KMT2B: variants seen among roughly 807,000 people sequenced by gnomAD.
KMT2B encodes lysine methyltransferase 2B, also known as histone-lysine N-methyltransferase 2B.
Under a neutral mutation model 255.3 loss-of-function variants are expected in KMT2B, and 22 were observed. That is an observed-to-expected ratio of 0.09 (90% CI 0.06 to 0.12). The LOEUF is 0.12. Ranked by LOEUF, KMT2B falls within the 10% of genes least tolerant of loss-of-function variation. The pLI is 1.00. For missense variants in KMT2B, 3,149 were observed against 3,737.0 expected (o/e 0.84, Z 4.10); for synonymous variants, 1,730 against 1,498.1 (o/e 1.15, Z -3.57).
Position 35,720,847 on chromosome 19 carries a change from C to T in KMT2B, c.1500C>T (p.Ser500=). The T allele has an allele frequency of 1.3e-6, 2 of 1,566,632 alleles. No homozygotes were observed. Among genetic ancestry groups the T allele is most frequent in the Non-Finnish European group, 1.7e-6 (2 of 1,155,746 alleles). Residue 500 remains serine (S), a synonymous_variant, in exon 3 of 37, where the codon AGC becomes AGT. Transcript: ENST00000420124. ...CCTCTCCTCCCACTCCAACCCCCAGCACCGCCACGGGAGGCCCTCCGGAAG... is the reference window on the plus strand; with the variant it reads ...CCTCTCCTCCCACTCCAACCCCCAGTACCGCCACGGGAGGCCCTCCGGAAG... The part of the protein sequence containing the change: ...EGTSPPTPTP[S]TATGGPPEDS...
In KMT2B at chr19:35,732,470, G is replaced by A. The variant is rs779678125; in HGVS notation, c.5921G>A (p.Gly1974Asp). The part of the protein sequence containing the change: ...APSPPPPEDL[G>D]PDFEDMEVVS... ...TCTCCACCACCCCCTGAAGACCTGG[G>A]CCCAGACTTCGAGGACATGGAGGTG... The change falls in exon 28 of 37, where the codon GGC (glycine) becomes GAC (aspartate). Residue 1974 changes from glycine to aspartate, a missense_variant. By Grantham distance (94) the Gly-to-Asp change is moderately conservative. Transcript: ENST00000420124. 48 of 1,613,808 alleles carry A rather than the reference G, an allele frequency of 3.0e-5. 1 individual carries two copies. Among genetic ancestry groups the A allele is most frequent in the Admixed American group, 5.0e-5 (3 of 60,006 alleles).
Position 35,733,786 on chromosome 19 carries a change from T to C in KMT2B, c.7073T>C (p.Leu2358Ser). 2 of 1,613,656 alleles carry C rather than the reference T, an allele frequency of 1.2e-6. No individual in the cohort carries two copies. The highest frequency in any genetic ancestry group is 1.1e-5 in the South Asian group (1 of 91,072). Residue 2358 changes from leucine to serine, a missense_variant, in exon 30 of 37, where the codon TTG (leucine) becomes TCG (serine). Coordinates refer to ENST00000420124, the MANE Select transcript of KMT2B (RefSeq NM_014727.3). This position sits in a 1 kb window ranked among gnomAD's most constrained non-coding sequence, Gnocchi z 4.3. ...SPGPLQERSP[L>S]LPLPEDGPPQ... ...AGGCCCCTCCAGGAACGGTCCCCTT[T>C]GCTGCCACTTCCGGAAGATGGTCCT...
In KMT2B at chr19:35,723,891, G is replaced by A. The variant is rs1969319115; in HGVS notation, c.3218G>A (p.Arg1073His). 1 of 1,611,056 alleles carries A rather than the reference G, an allele frequency of 6.2e-7. No homozygotes were observed. The highest frequency in any genetic ancestry group is 8.5e-7 in the Non-Finnish European group (1 of 1,179,094). Residue 1073 changes from arginine (R) to histidine (H), a missense_variant, in exon 8 of 37, where the codon CGC (arginine) becomes CAC (histidine). Physicochemically the swap from Arg to His is conservative, Grantham distance 29. This residue lies in a region of KMT2B where 136 missense variants were observed against 137.3 expected (regional missense o/e 0.99). Transcript: ENST00000420124. This position sits in a 1 kb window ranked among gnomAD's most constrained non-coding sequence, Gnocchi z 7.5. Reference sequence around the variant, plus strand: ...GAGGAGCAGGACTCCCTCCTGCAGCGCAAGTCAGCTCGGCGCTGCGTCAAA... The same window carrying A: ...GAGGAGCAGGACTCCCTCCTGCAGCACAAGTCAGCTCGGCGCTGCGTCAAA... ...GPEEQDSLLQRKSARRCVKQR... is the reference protein window; with the variant it reads ...GPEEQDSLLQHKSARRCVKQR...
chr19:35,728,578 G>C (rs549279169), intron 19 of KMT2B, among the ~76,000 whole-genome samples, 196 bp from the exon 20 acceptor site: 2 of 152,294 alleles, frequency 1.3e-5, no homozygotes, highest in East Asian at 3.9e-4. Context: ...GGGAGGAAGA[G>C]TATTGCAGGC....
intron 9 of KMT2B, 98 bp downstream of exon 9, chr19:35,724,829 A>T: frequency 8.2e-7 from 1 of 1,214,144 alleles, no homozygotes; most frequent in Non-Finnish European, 1.2e-6. Flanking sequence ...TCCACATGAG[A>T]GGACAGGCCC....
At position 35,726,138 on chromosome 19, in the gene KMT2B, T is replaced by G; in HGVS notation, c.3886-98T>G. The G allele has an allele frequency of 4.5e-6, 4 of 883,546 alleles. No individual in the cohort carries two copies. In the South Asian group the frequency reaches 5.8e-5, roughly 13 times the overall value. The allele number at this position is 883,546 out of a possible 1,614,324, so 54.7% of individuals were successfully genotyped here. ...CTCCTCTTACCTGTCCCTCCTTGCC[T>G]GCTTCCTGCATATCCCCAATTCCTC... On this transcript the variant is annotated intron_variant, in intron 13 of 36. Transcript: ENST00000420124.
Position 35,737,040 on chromosome 19 carries a change from C to T in KMT2B, c.7373-46C>T. ...GAGCTGGATGTCTCCCCGAGGGCAC[C>T]ATGGGCCCTCCACATGACAGGTGTG... On this transcript the variant is annotated intron_variant, in intron 32 of 36. Transcript: ENST00000420124. The surrounding 1 kb of genome is among the most constrained non-coding windows in gnomAD (Gnocchi z 5.3). 4 of 1,609,152 alleles carry T rather than the reference C, an allele frequency of 2.5e-6. No homozygotes were observed. The highest frequency in any genetic ancestry group is 3.4e-6 in the Non-Finnish European group (4 of 1,177,100).
At position 35,727,995 on chromosome 19, in the gene KMT2B, T is replaced by G. The variant is rs1568376507; in HGVS notation, c.4497+10T>G. 6.4e-7 allele frequency: 1 copy of G among 1,554,058 alleles called. No homozygotes were observed. Among genetic ancestry groups the G allele is most frequent in the African/African-American group, 1.4e-5 (1 of 73,730 alleles). ...GGGGCTCCTGCTGAAGGTGAGCTCTTCCGGGGATGCTTGTGGGGTGGGGGA... is the reference window on the plus strand; with the variant it reads ...GGGGCTCCTGCTGAAGGTGAGCTCTGCCGGGGATGCTTGTGGGGTGGGGGA... On this transcript the variant is annotated intron_variant, in intron 18 of 36. Transcript: ENST00000420124. This position sits in a 1 kb window ranked among gnomAD's most constrained non-coding sequence, Gnocchi z 4.2.
At chr19:35,728,389 G>A (rs1394294697) in intron 19 of KMT2B, among the ~76,000 whole-genome samples, 1 of 152,190 alleles carries the variant, frequency 6.6e-6, no homozygotes, top group Non-Finnish European at 1.5e-5. Flanking sequence ...AAAGCAGTGA[G>A]CGAATCAGAT....
Position 35,727,862 on chromosome 19 carries a change from C to G in KMT2B, c.4393-19C>G, listed in dbSNP as rs762154512. 1 of 1,611,130 alleles carries G rather than the reference C, an allele frequency of 6.2e-7. No individual in the cohort carries two copies. The highest frequency in any genetic ancestry group is 8.5e-7 in the Non-Finnish European group (1 of 1,178,040). ...GAATTGTGCAGAGGGGACTCAGTCT[C>G]TGACAAACCCCCTTACAGCACAGCT... On this transcript the variant is annotated intron_variant, in intron 17 of 36. Coordinates refer to ENST00000420124, the MANE Select transcript of KMT2B (RefSeq NM_014727.3). This position sits in a 1 kb window ranked among gnomAD's most constrained non-coding sequence, Gnocchi z 4.2.
rs1388008509 is a variant in KMT2B, at chr19:35,732,871, G to A, written c.6322G>A (p.Asp2108Asn). 9 of 1,610,074 alleles carry A rather than the reference G, an allele frequency of 5.6e-6. No homozygotes were observed. The highest frequency in any genetic ancestry group is 7.6e-6 in the Non-Finnish European group (9 of 1,178,808). ...AGGGGACAGGGCCCGGCCTCCTGAG[G>A]ACCTGCCATCGGAAATTGTGGATTT... ...AAGDRARPPE[D>N]LPSEIVDFVL... is the part of the protein sequence containing the mutation. Residue 2108 changes from aspartate to asparagine, a missense_variant, in exon 28 of 37, where the codon GAC becomes AAC. Physicochemically the swap from Asp to Asn is conservative, Grantham distance 23. This residue lies in a region of KMT2B where 897 missense variants were observed against 825.3 expected (regional missense o/e 1.09). Transcript: ENST00000420124.
At position 35,729,233 on chromosome 19, in the gene KMT2B, C is replaced by A; in HGVS notation, c.4854C>A (p.Val1618=). Residue 1618 remains valine, a synonymous_variant, in exon 22 of 37, where the codon GTC becomes GTA. Transcript: ENST00000420124. The part of the protein sequence containing the change: ...HVNCAIWSAE[V]FEENDGSLKN... ...ACTGTGCCATCTGGTCGGCGGAAGT[C>A]TTCGAGGAGAACGACGGCTCCCTCA... 1.2e-6 allele frequency: 2 copies of A among 1,609,374 alleles called. No homozygotes were observed. Among genetic ancestry groups the A allele is most frequent in the Non-Finnish European group, 1.7e-6 (2 of 1,177,784 alleles).
At chr19:35,722,541 C>A (rs1212503292) in intron 4 of KMT2B, 27 bp from the exon 5 acceptor site, 2 of 1,595,528 alleles carry the variant, frequency 1.3e-6, no homozygotes, top group Non-Finnish European at 1.7e-6. Context: ...CGCAAGCTGC[C>A]CACACACACT....
chr19:35,722,785 A>G, intron 5 of KMT2B, 67 bp downstream of exon 5: 6 of 1,525,178 alleles, frequency 3.9e-6, no homozygotes, highest in South Asian at 2.6e-5. Flanking sequence ...GACATGCACC[A>G]AGAGCCTAGG....
chr19:35,723,585 C>G lies in KMT2B; in HGVS notation c.3058+83C>G. 1 of 1,359,560 alleles carries G rather than the reference C, an allele frequency of 7.4e-7. No homozygotes were observed. Among genetic ancestry groups the G allele is most frequent in the South Asian group, 1.4e-5 (1 of 73,018 alleles). 84.2% of individuals were successfully genotyped at this position (1,359,560 alleles called of 1,614,324 possible). A position where few individuals can be genotyped will look rare whatever the true frequency, so the allele number is the denominator to read the frequency against. On this transcript the variant is annotated intron_variant, in intron 7 of 36. Coordinates refer to ENST00000420124, the MANE Select transcript of KMT2B (RefSeq NM_014727.3). The surrounding 1 kb of genome is among the most constrained non-coding windows in gnomAD (Gnocchi z 7.5). ...GGGAGCTGTTTTTCTTTGCTCTCCT[C>G]CCTTGCAGCTCACCCTCTCCATCTT...
chr19:35,720,436 C>T lies in KMT2B; in HGVS notation c.1089C>T (p.Asp363=), dbSNP rs371840648. ...CWKKQEQKLD[D]EEEEKKEEEE... The stretch of plus-strand genomic sequence containing the variant: ...AAAAGCAGGAACAGAAGCTGGATGA[C>T]GAGGAAGAAGAGAAGAAAGAAGAAG... The change falls in exon 3 of 37, where the codon GAC becomes GAT. Residue 363 remains aspartate (D), a synonymous_variant. Transcript: ENST00000420124. 46 of 1,554,092 alleles carry T rather than the reference C, an allele frequency of 3.0e-5. No individual in the cohort carries two copies. Among genetic ancestry groups the T allele is most frequent in the African/African-American group, 2.9e-4 (21 of 72,504 alleles).
In KMT2B at chr19:35,730,443, T is replaced by C. The variant is rs551213938; in HGVS notation, c.5178T>C (p.Asp1726=). Residue 1726 remains aspartate, a synonymous_variant, in exon 24 of 37, where the codon GAT becomes GAC. Transcript: ENST00000420124. ...AGTTCTTGACGGGGCTTGAACCCGATGCCATCAACGTGCTCATTGGTAAGC... is the reference window on the plus strand; with the variant it reads ...AGTTCTTGACGGGGCTTGAACCCGACGCCATCAACGTGCTCATTGGTAAGC... ...KRKFLTGLEP[D]AINVLIGSIR... is the part of the protein sequence containing the mutation. 2 of 1,613,868 alleles carry C rather than the reference T, an allele frequency of 1.2e-6. No individual in the cohort carries two copies. The highest frequency in any genetic ancestry group is 2.2e-5 in the East Asian group (1 of 44,884).
Position 35,738,592 on chromosome 19 carries a change from C to T in KMT2B, c.*35C>T, listed in dbSNP as rs1397591145. ...TGCCCACCACGACCCCTCACACCTC[C>T]TGCTGCCGTCGCTGCCATCTTGCCC... On this transcript the variant is annotated 3_prime_UTR_variant, in exon 37 of 37. Transcript: ENST00000420124. The surrounding 1 kb of genome is among the most constrained non-coding windows in gnomAD (Gnocchi z 8.7). The T allele has an allele frequency of 6.3e-7, 1 of 1,594,120 alleles. No homozygotes were observed. Among genetic ancestry groups the T allele is most frequent in the Admixed American group, 1.7e-5 (1 of 58,638 alleles).
At position 35,733,241 on chromosome 19, in the gene KMT2B, C is replaced by T; in HGVS notation, c.6692C>T (p.Ser2231Phe). The change falls in exon 28 of 37, where the codon TCC (serine) becomes TTC (phenylalanine). Residue 2231 changes from serine to phenylalanine, a missense_variant. Transcript: ENST00000420124. This position sits in a 1 kb window ranked among gnomAD's most constrained non-coding sequence, Gnocchi z 4.3. The stretch of plus-strand genomic sequence containing the variant: ...ACCATTTCCCCCACGGCTCCCACCT[C>T]CTGGACTCTGCCCCCAGGCCCCCTC... The part of the protein sequence containing the change: ...PPTISPTAPT[S>F]WTLPPGPLLG... 1 of 1,493,984 alleles carries T rather than the reference C, an allele frequency of 6.7e-7. No individual in the cohort carries two copies. The highest frequency in any genetic ancestry group is 9.1e-7 in the Non-Finnish European group (1 of 1,097,692). 92.5% of individuals were successfully genotyped at this position (1,493,984 alleles called of 1,614,324 possible). A position where few individuals can be genotyped will look rare whatever the true frequency, so the allele number is the denominator to read the frequency against.
Sources: allele counts gnomAD v4.1 joint callset (sites outside exome capture counted in the v4.1 genomes callset), GRCh38; gene constraint gnomAD v4.1.1; regional missense constraint gnomAD v4.1.1; non-coding constraint Gnocchi (gnomAD v3.1); transcripts MANE v1.5; gene names NCBI Gene and HGNC (gene_info 2026-07-23, HGNC 2026-07-21).